Variants in FLT1 observed in about 807,000 individuals in gnomAD.
The protein encoded by FLT1 is vascular endothelial growth factor receptor 1.
In FLT1, 49 loss-of-function variants were observed where a neutral mutation model predicts 156.3. The observed-to-expected ratio is 0.31, with a 90% CI of 0.25 to 0.40. The LOEUF (loss-of-function observed/expected upper bound fraction) is 0.40. Ranked by LOEUF, FLT1 falls within the 10% of genes least tolerant of loss-of-function variation. The probability of loss-of-function intolerance (pLI) is 1.00; values close to 1 mark genes in which losing one functional copy is unlikely to be tolerated. For missense variants in FLT1, 1,322 were observed against 1,637.2 expected, an observed-to-expected ratio of 0.81 and a Z score of 3.32; for synonymous variants, 594 against 583.8, an observed-to-expected ratio of 1.02 and a Z score of -0.25.
intron 6 of FLT1, among the ~76,000 whole-genome samples, chr13:28,431,634 G>C (rs1457208863): frequency 6.6e-6 from 1 of 152,156 alleles, no homozygotes; most frequent in South Asian, 2.1e-4. Context: ...TGAAGGAAGT[G>C]ATACCCTGGC....
chr13:28,480,379 A>C (rs903334978), intron 1 of FLT1, among the ~76,000 whole-genome samples: 42 of 152,362 alleles, frequency 2.8e-4, no homozygotes, highest in African/African-American at 9.9e-4. Flanking sequence ...CAGATAAATA[A>C]GTATATATAG....
At chr13:28,334,730 T>G (rs1174111062) in intron 17 of FLT1, among the ~76,000 whole-genome samples, 1 of 152,240 alleles carries the variant, frequency 6.6e-6, no homozygotes, top group Non-Finnish European at 1.5e-5. Flanking sequence ...GGTCAACCAC[T>G]GGTAGTGATT....
rs781057255 is a variant in FLT1, at chr13:28,334,172, G to C, written c.2489-43C>G. The C allele has an allele frequency of 2.3e-6, 3 of 1,307,806 alleles. No individual in the cohort carries two copies. The African/African-American group carries it at 4.3e-5, about 19-fold the overall frequency. 81.0% of individuals were successfully genotyped at this position (1,307,806 alleles called of 1,614,324 possible). A position where few individuals can be genotyped will look rare whatever the true frequency, so the allele number is the denominator to read the frequency against. On this transcript the variant is annotated intron_variant, in intron 17 of 29. Coordinates refer to ENST00000282397, the MANE Select transcript of FLT1 (RefSeq NM_002019.4). ...CACTGGTTTGTTTGCCGAGGCAATA[G>C]GGTGAGTTTAAGTCTTTTTCAGGAA...
At chr13:28,315,661 T>C (rs1382038250) in intron 25 of FLT1, among the ~76,000 whole-genome samples, 1 of 152,238 alleles carries the variant, frequency 6.6e-6, no homozygotes, top group Non-Finnish European at 1.5e-5. Flanking sequence ...TTTATTTTGA[T>C]GTAAAAATAT....
chr13:28,482,713 A>G (rs894680426), intron 1 of FLT1, among the ~76,000 whole-genome samples: 2 of 152,182 alleles, frequency 1.3e-5, no homozygotes, highest in African/African-American at 2.4e-5. Flanking sequence ...ACAGTTTAGG[A>G]TTTTACTCCC....
At chr13:28,435,766 T>C (rs1355293002) in intron 4 of FLT1, among the ~76,000 whole-genome samples, 1 of 152,154 alleles carries the variant, frequency 6.6e-6, no homozygotes, top group African/African-American at 2.4e-5. Flanking sequence ...GTTCCTTGGG[T>C]TTGAAATTAA....
rs1234107941 is a variant in FLT1, at chr13:28,345,480, G to T, written c.2320C>A (p.Leu774Ile). 3.7e-6 allele frequency: 6 copies of T among 1,612,382 alleles called. No homozygotes were observed. The highest frequency in any genetic ancestry group is 5.1e-6 in the Non-Finnish European group (6 of 1,178,798). The change falls in exon 16 of 30, where the codon CTC (leucine) becomes ATC (isoleucine). Residue 774 changes from leucine (L) to isoleucine (I), a missense_variant. Transcript: ENST00000282397. Reference protein sequence around the residue: ...CTCVAATLFWLLLTLFIRKMK... With the variant: ...CTCVAATLFWILLTLFIRKMK... ...TTTCGGATAAAGAGGGTTAATAGGA[G>T]CCAGAAGAGAGTCGCAGCCACACAG...
chr13:28,300,751 C>A lies in FLT1; in HGVS notation c.*2416G>T, dbSNP rs1870482367. ...CACATGGTTTCAGCCCCATTCCACC[C>A]AGACTGTTCCACGTACATTATCTCA... On this transcript the variant is annotated 3_prime_UTR_variant, in exon 30 of 30. Coordinates refer to ENST00000282397, the MANE Select transcript of FLT1 (RefSeq NM_002019.4). 4.3e-6 allele frequency: 1 copy of A among 233,256 alleles called. No individual in the cohort carries two copies. The highest frequency in any genetic ancestry group is 1.8e-4 in the South Asian group (1 of 5,522). 14.4% of individuals were successfully genotyped at this position (233,256 alleles called of 1,614,324 possible).
intron 3 of FLT1, among the ~76,000 whole-genome samples, chr13:28,463,958 T>C (rs999672876): frequency 1.3e-4 from 18 of 138,848 alleles, no homozygotes; most frequent in African/African-American, 4.7e-4. Flanking sequence ...TAGATGTTAC[T>C]GTTCATAGTA....
At chr13:28,307,359 C>T (rs533935584) in intron 28 of FLT1, among the ~76,000 whole-genome samples, 2 of 152,294 alleles carry the variant, frequency 1.3e-5, no homozygotes, top group Admixed American at 6.5e-5. Context: ...TCCTGCCACC[C>T]TTTAAGGCTC....
intron 3 of FLT1, among the ~76,000 whole-genome samples, chr13:28,466,309 C>T (rs1879843884): frequency 6.6e-6 from 1 of 152,022 alleles, no homozygotes; most frequent in African/African-American, 2.4e-5. Flanking sequence ...TTTACGAGTA[C>T]CATAAAAAAT....
At chr13:28,361,888 G>A (rs545969945) in intron 14 of FLT1, among the ~76,000 whole-genome samples, 1 of 152,318 alleles carries the variant, frequency 6.6e-6, no homozygotes, top group South Asian at 2.1e-4. Context: ...CATGTAGAAG[G>A]AAAGAGAATC....
At chr13:28,344,357 C>T (rs1026364304) in intron 16 of FLT1, among the ~76,000 whole-genome samples, 1 of 152,182 alleles carries the variant, frequency 6.6e-6, no homozygotes, top group African/African-American at 2.4e-5. Flanking sequence ...CTACAACACT[C>T]CTTCCTCTCT....
intron 11 of FLT1, among the ~76,000 whole-genome samples, chr13:28,399,698 T>C (rs1202401721): frequency 1.3e-5 from 2 of 152,116 alleles, no homozygotes; most frequent in Non-Finnish European, 2.9e-5. Context: ...GAGACAGAAA[T>C]GTATTGAATT....
At chr13:28,389,126 C>CT in intron 13 of FLT1, 6 of 1,056,134 alleles carry the variant, frequency 5.7e-6, no homozygotes, top group Non-Finnish European at 6.9e-6. Context: ...AGCTCCAGTT[C>CT]AAGATAAATG....
At chr13:28,345,920 G>A in intron 15 of FLT1, 1 of 196,048 alleles carries the variant, frequency 5.1e-6, no homozygotes, top group Non-Finnish European at 1.0e-5. Flanking sequence ...TGCTAAATCT[G>A]GAATATGTTA....
chr13:28,321,596 A>G lies in FLT1; in HGVS notation c.3052-11T>C. ...GTCCCGATGAATGCACTATAATAAA[A>G]CAGTTGCATAATCAATGCATTTCCT... On this transcript the variant is annotated splice_polypyrimidine_tract_variant and intron_variant, in intron 22 of 29. Coordinates refer to ENST00000282397, the MANE Select transcript of FLT1 (RefSeq NM_002019.4). The G allele has an allele frequency of 6.2e-7, 1 of 1,613,928 alleles. No individual in the cohort carries two copies. Among genetic ancestry groups the G allele is most frequent in the Non-Finnish European group, 8.5e-7 (1 of 1,179,812 alleles).
chr13:28,310,656 T>C (rs1184461216), intron 27 of FLT1, among the ~76,000 whole-genome samples: 1 of 152,200 alleles, frequency 6.6e-6, no homozygotes, highest in Non-Finnish European at 1.5e-5. Context: ...TTCCCTTGCC[T>C]TGCCCCTTCT....
At chr13:28,361,589 G>T (rs1873114321) in intron 14 of FLT1, among the ~76,000 whole-genome samples, 1 of 152,168 alleles carries the variant, frequency 6.6e-6, no homozygotes, top group South Asian at 2.1e-4. Context: ...ATGAACAAAA[G>T]ATCTGAGGGA....
Sources: gnomAD v4.1 joint callset for allele counts (sites outside exome capture counted in the v4.1 genomes callset) on GRCh38, gnomAD v4.1.1 for gene constraint, MANE v1.5 for transcripts, NCBI Gene and HGNC (gene_info 2026-07-23, HGNC 2026-07-21) for gene names.